CRTAC1: variants seen among roughly 807,000 people sequenced by gnomAD.
CRTAC1 encodes the protein cartilage acidic protein 1.
Under a neutral mutation model 67.8 loss-of-function variants are expected in CRTAC1, and 37 were observed. That is an observed-to-expected ratio of 0.55 (90% confidence interval 0.42 to 0.72). The LOEUF is 0.72. Among genes scored for constraint, CRTAC1 ranks in the 30% least tolerant of loss-of-function variants. CRTAC1 has a pLI of 0.00. For missense variants in CRTAC1, 780 were observed against 931.6 expected (o/e 0.84, Z 2.12); for synonymous variants, 348 against 371.0 (o/e 0.94, Z 0.71).
chr10:97,985,642 T>C (rs2051968368), intron 2 of CRTAC1, among the ~76,000 whole-genome samples: 1 of 152,122 alleles, frequency 6.6e-6, no homozygotes, highest in Non-Finnish European at 1.5e-5. Flanking sequence ...ATCCCAGAGG[T>C]GCACTTGCCT....
At chr10:98,020,329 G>C (rs1488650557) in intron 1 of CRTAC1, among the ~76,000 whole-genome samples, 1 of 151,464 alleles carries the variant, frequency 6.6e-6, no homozygotes, top group African/African-American at 2.4e-5. Context: ...CACTGACCAT[G>C]TGCCAGGCAT....
chr10:97,879,355 T>C (rs1426534415), intron 14 of CRTAC1, among the ~76,000 whole-genome samples: 1 of 152,156 alleles, frequency 6.6e-6, no homozygotes, highest in Non-Finnish European at 1.5e-5. Context: ...CCATCTTTGT[T>C]AAGGGCAAAA....
chr10:97,892,153 A>G (rs1432867257), intron 11 of CRTAC1, among the ~76,000 whole-genome samples: 1 of 152,120 alleles, frequency 6.6e-6, no homozygotes, highest in Non-Finnish European at 1.5e-5. Context: ...CCTTCTCCCC[A>G]CCACATGACC....
chr10:97,881,913 C>A (rs1420475631), intron 13 of CRTAC1, among the ~76,000 whole-genome samples: 1 of 152,130 alleles, frequency 6.6e-6, no homozygotes, highest in Non-Finnish European at 1.5e-5. Context: ...CTTCTAGGAC[C>A]CTCCCTAGGC....
At chr10:97,981,988 T>A (rs2051899343) in intron 2 of CRTAC1, among the ~76,000 whole-genome samples, 1 of 152,204 alleles carries the variant, frequency 6.6e-6, no homozygotes. Flanking sequence ...CCTACCACAT[T>A]ACAGGAAATC....
At chr10:98,017,165 C>T (rs1027759461) in intron 1 of CRTAC1, among the ~76,000 whole-genome samples, 1 of 152,194 alleles carries the variant, frequency 6.6e-6, no homozygotes, top group African/African-American at 2.4e-5. Context: ...AGGAGTAGCA[C>T]TAGAGAAGTA....
chr10:97,924,660 T>C (rs1392719093), intron 3 of CRTAC1, among the ~76,000 whole-genome samples: 1 of 152,210 alleles, frequency 6.6e-6, no homozygotes, highest in East Asian at 1.9e-4. Context: ...TCAAGTTTAC[T>C]GTGAGGAATA....
In CRTAC1 at chr10:97,870,932, A is replaced by G. The variant is rs2136527907; in HGVS notation, c.1820-5218T>C. The stretch of plus-strand genomic sequence containing the variant: ...GGAGAGCATCTACAGCTTTCAGCAG[A>G]TTCTCAAAGGGGTATGCAACCCCCT... On this transcript the variant is annotated intron_variant, in intron 14 of 14. Transcript: ENST00000370597. The G allele has an allele frequency of 1.3e-5, 2 of 152,328 alleles. 1 individual carries two copies. Among genetic ancestry groups the G allele is most frequent in the South Asian group, 4.1e-4 (2 of 4,830 alleles). The allele number at this position is 152,328 out of a possible 1,614,324, so 9.4% of individuals were successfully genotyped here. A position where few individuals can be genotyped will look rare whatever the true frequency, so the allele number is the denominator to read the frequency against.
chr10:97,980,482 A>G (rs545693492), intron 2 of CRTAC1, among the ~76,000 whole-genome samples: 18 of 152,336 alleles, frequency 1.2e-4, no homozygotes, highest in Non-Finnish European at 1.8e-4. Context: ...TTAATCCACC[A>G]TCAGTAGTGG....
At chr10:97,888,469 T>C (rs2050317915) in intron 11 of CRTAC1, among the ~76,000 whole-genome samples, 1 of 151,856 alleles carries the variant, frequency 6.6e-6, no homozygotes, top group South Asian at 2.1e-4. Context: ...AGAATGTGTA[T>C]CAGGTGGGAA....
intron 2 of CRTAC1, among the ~76,000 whole-genome samples, chr10:97,955,328 A>G (rs922257273): frequency 1.3e-5 from 2 of 152,180 alleles, no homozygotes; most frequent in African/African-American, 2.4e-5. Context: ...AAGTCGTTCC[A>G]CTTGGATCTG....
chr10:97,898,256 TCA>T (rs1190931250), intron 8 of CRTAC1, among the ~76,000 whole-genome samples: 2 of 152,096 alleles, frequency 1.3e-5, no homozygotes. Context: ...AGGATGGAGC[TCA>T]GAGTCCGTGT....
intron 3 of CRTAC1, among the ~76,000 whole-genome samples, chr10:97,929,528 A>C (rs2050971872): frequency 6.6e-6 from 1 of 152,132 alleles, no homozygotes; most frequent in Admixed American, 6.5e-5. Context: ...TTTGTGTGGC[A>C]AGGCAGAGGC....
At chr10:97,962,677 C>T (rs1196295003) in intron 2 of CRTAC1, among the ~76,000 whole-genome samples, 2 of 152,150 alleles carry the variant, frequency 1.3e-5, no homozygotes, top group East Asian at 3.9e-4. Context: ...GGGGCCGCTA[C>T]TGAGCAAGGC....
intron 11 of CRTAC1, among the ~76,000 whole-genome samples, chr10:97,887,495 C>T (rs888795542): frequency 3.3e-5 from 5 of 152,154 alleles, no homozygotes; most frequent in African/African-American, 4.8e-5. Context: ...CACCCAGCCT[C>T]GGCCTCCCAA....
chr10:97,938,307 C>A (rs2051121374), intron 2 of CRTAC1, among the ~76,000 whole-genome samples: 1 of 152,202 alleles, frequency 6.6e-6, no homozygotes, highest in Non-Finnish European at 1.5e-5. Flanking sequence ...GAGGGCTGAA[C>A]ACGAGTCTTG....
At chr10:97,918,869 C>T (rs1387134711) in intron 4 of CRTAC1, among the ~76,000 whole-genome samples, 1 of 149,568 alleles carries the variant, frequency 6.7e-6, no homozygotes, top group East Asian at 2.0e-4. Context: ...CTGCAGCCTC[C>T]ACCTCCCAGG....
rs1407871479 is a variant in CRTAC1, at chr10:97,867,594, C to T, written c.1820-1880G>A. ...AGCCGCAGTTCAGTGGGCTCCACCG[C>T]AGCCCCTGGCCACGGCCTATGCCCT... On this transcript the variant is annotated intron_variant, in intron 14 of 14. Transcript: ENST00000370597. The T allele has an allele frequency of 3.3e-5, 5 of 152,440 alleles. No individual in the cohort carries two copies. The East Asian group carries it at 7.7e-4, about 23-fold the overall frequency. 9.4% of individuals were successfully genotyped at this position (152,440 alleles called of 1,614,324 possible).
In CRTAC1 at chr10:97,943,597, G is replaced by GA. The variant is rs541768935; in HGVS notation, c.225-7232dup. ...CATTTTATAGATACACAAAGTTTCT[G>GA]AGAAAAGTGACTTCTAAAGTCAAAC... is the stretch of plus-strand genomic sequence containing the variant. On this transcript the variant is annotated intron_variant, in intron 2 of 14. Transcript: ENST00000370597. Among the ~76,000 whole-genome samples the GA allele has an allele frequency of 1.2e-3, 184 of 152,374 alleles. 1 individual carries two copies. Among genetic ancestry groups the GA allele is most frequent in the African/African-American group, 4.1e-3 (170 of 41,590 alleles).
Sources: allele counts gnomAD v4.1 joint callset (sites outside exome capture counted in the v4.1 genomes callset), GRCh38; gene constraint gnomAD v4.1.1; transcripts MANE v1.5; gene names NCBI Gene and HGNC (gene_info 2026-07-23, HGNC 2026-07-21).